FARP1: variants seen among roughly 807,000 people sequenced by gnomAD.
FARP1 encodes the protein FERM, ARHGEF and pleckstrin domain-containing protein 1.
A neutral mutation model predicts 128.8 loss-of-function variants in FARP1; 52 were observed. The observed-to-expected ratio is 0.40, with a 90% CI of 0.32 to 0.51. The LOEUF is 0.51. Ranked by LOEUF, FARP1 falls within the 20% of genes least tolerant of loss-of-function variation. The pLI, the probability that FARP1 is intolerant of heterozygous loss-of-function variation, is 0.45. For synonymous variants in FARP1, 580 were observed against 551.8 expected, an observed-to-expected ratio of 1.05 and a Z score of -0.72; for missense variants, 1,333 against 1,367.9, an observed-to-expected ratio of 0.97 and a Z score of 0.40.
At chr13:98,248,972 T>C (rs560485317) in intron 2 of FARP1, among the ~76,000 whole-genome samples, 53 of 152,324 alleles carry the variant, frequency 3.5e-4, no homozygotes, top group African/African-American at 1.2e-3. Flanking sequence ...TGCTACTTAC[T>C]GGCCATTAAT....
chr13:98,423,180 A>AG (rs1891653724), intron 16 of FARP1, among the ~76,000 whole-genome samples: 2 of 152,258 alleles, frequency 1.3e-5, no homozygotes, highest in Non-Finnish European at 2.9e-5. Flanking sequence ...ACCCAGATTG[A>AG]GGGTGGGTCT....
At chr13:98,177,311 G>A in intron 1 of FARP1, 6 of 1,235,140 alleles carry the variant, frequency 4.9e-6, no homozygotes, top group African/African-American at 1.5e-5. Context: ...CACGTGGGGC[G>A]TGGGCCCTCC....
intron 14 of FARP1, among the ~76,000 whole-genome samples, chr13:98,409,982 CT>C (rs1461192187): frequency 2.6e-5 from 4 of 152,216 alleles, no homozygotes; most frequent in African/African-American, 9.6e-5. Flanking sequence ...ATAAACCACA[CT>C]TTGTTATCCA....
intron 24 of FARP1, among the ~76,000 whole-genome samples, chr13:98,441,050 A>G (rs1160775974): frequency 2.0e-5 from 3 of 152,192 alleles, no homozygotes; most frequent in Non-Finnish European, 4.4e-5. Context: ...CCGACCTCCC[A>G]CAAATGCAGT....
At chr13:98,309,153 C>CCTTTTTTTTTTTTTTTTTTT (rs1886327761) in intron 2 of FARP1, among the ~76,000 whole-genome samples, 1 of 89,670 alleles carries the variant, frequency 1.1e-5, no homozygotes, top group Non-Finnish European at 2.1e-5. Flanking sequence ...TTTAAGAGGC[C>CCTTTTTTTTTTTTTTTTTTT]TTTTTTTTTT....
intron 1 of FARP1, among the ~76,000 whole-genome samples, chr13:98,180,064 G>A (rs973562609): frequency 6.6e-6 from 1 of 152,090 alleles, no homozygotes; most frequent in African/African-American, 2.4e-5. Context: ...GCTGCATGGG[G>A]TGGGAGATTG....
intron 1 of FARP1, among the ~76,000 whole-genome samples, chr13:98,153,253 A>G (rs1876145041): frequency 8.0e-6 from 1 of 125,224 alleles, no homozygotes. Context: ...AAGAAAAGTT[A>G]AGTGATGTAA....
intron 2 of FARP1, among the ~76,000 whole-genome samples, chr13:98,257,985 T>G (rs1322075187): frequency 6.6e-6 from 1 of 152,300 alleles, no homozygotes; most frequent in East Asian, 1.9e-4. Context: ...TATATAATTT[T>G]TTTTTTGAGA....
intron 1 of FARP1, among the ~76,000 whole-genome samples, chr13:98,159,950 C>A (rs958954750): frequency 3.9e-5 from 6 of 152,150 alleles, no homozygotes; most frequent in African/African-American, 1.4e-4. Context: ...ATTTCATCAT[C>A]ATTTTCGGCA....
Position 98,435,595 on chromosome 13 carries a change from G to T in FARP1, c.2163G>T (p.Thr721=), listed in dbSNP as rs200427694. ...RDCRAALAEI[T]EMVAQLHGTM... The stretch of plus-strand genomic sequence containing the variant: ...TCACAGCCGCTTTGGCAGAGATCAC[G>T]GAGATGGTGGCACAGCTCCACGGTA... The change falls in exon 19 of 27, where the codon ACG becomes ACT. Residue 721 remains threonine, a synonymous_variant. Transcript: ENST00000319562. 152 of 1,613,398 alleles carry T rather than the reference G, an allele frequency of 9.4e-5. No individual in the cohort carries two copies. The highest frequency in any genetic ancestry group is 5.6e-4 in the South Asian group (51 of 90,972).
At chr13:98,144,721 A>G (rs1276683517) in intron 1 of FARP1, among the ~76,000 whole-genome samples, 1 of 152,222 alleles carries the variant, frequency 6.6e-6, no homozygotes, top group Non-Finnish European at 1.5e-5. Flanking sequence ...AGTCTGAACA[A>G]GGAGAGGAGA....
At chr13:98,421,476 A>G (rs1891590833) in intron 16 of FARP1, among the ~76,000 whole-genome samples, 1 of 152,168 alleles carries the variant, frequency 6.6e-6, no homozygotes, top group Admixed American at 6.5e-5. Flanking sequence ...GAATATCTAA[A>G]TGATGTCCTC....
intron 1 of FARP1, among the ~76,000 whole-genome samples, chr13:98,178,418 A>G (rs754737584): frequency 6.6e-6 from 1 of 151,682 alleles, no homozygotes; most frequent in Non-Finnish European, 1.5e-5. Context: ...CTGGTGTGGA[A>G]CTCCTGACCT....
At chr13:98,302,076 C>T (rs1594376100) in intron 2 of FARP1, among the ~76,000 whole-genome samples, 1 of 152,142 alleles carries the variant, frequency 6.6e-6, no homozygotes, top group Non-Finnish European at 1.5e-5. Context: ...AACTTCCCTG[C>T]ATAGAAGTAG....
At chr13:98,191,829 G>C (rs1879249191) in intron 1 of FARP1, among the ~76,000 whole-genome samples, 1 of 152,178 alleles carries the variant, frequency 6.6e-6, no homozygotes, top group African/African-American at 2.4e-5. Flanking sequence ...TGTAATCTCA[G>C]CTACTCGGGA....
chr13:98,209,744 C>T (rs1353391873), intron 1 of FARP1, among the ~76,000 whole-genome samples: 1 of 123,328 alleles, frequency 8.1e-6, no homozygotes, highest in African/African-American at 3.1e-5. Context: ...TTGCAGTGAG[C>T]CAAGATGTTG....
At position 98,448,685 on chromosome 13, in the gene FARP1, C is replaced by CTT. The variant is rs1053140035; in HGVS notation, c.*371_*372dup. 4 of 179,398 alleles carry CTT rather than the reference C, an allele frequency of 2.2e-5. No homozygotes were observed. The highest frequency in any genetic ancestry group is 4.6e-5 in the Non-Finnish European group (4 of 86,082). The allele number at this position is 179,398 out of a possible 1,614,324, so 11.1% of individuals were successfully genotyped here. On this transcript the variant is annotated 3_prime_UTR_variant, in exon 27 of 27. Transcript: ENST00000319562. ...TTTTTCTTCCTAAAAAAAGTTCTTT[C>CTT]TTTTATTATTTTCACCTATTGGCTG...
In FARP1 at chr13:98,213,227, C is replaced by G. The variant is rs772275733; in HGVS notation, c.-16C>G. On this transcript the variant is annotated 5_prime_UTR_variant, in exon 2 of 27. Coordinates refer to ENST00000319562, the MANE Select transcript of FARP1 (RefSeq NM_005766.4). ...TCTCACTGCTTCCTGCAGATATTCT[C>G]TAAGCCGCTTTCATCATGGGAGAAA... is the stretch of plus-strand genomic sequence containing the variant. 5 of 1,609,396 alleles carry G rather than the reference C, an allele frequency of 3.1e-6. No individual in the cohort carries two copies. Among genetic ancestry groups the G allele is most frequent in the Non-Finnish European group, 2.5e-6 (3 of 1,178,450 alleles).
intron 1 of FARP1, among the ~76,000 whole-genome samples, chr13:98,203,313 A>T (rs1281526506): frequency 2.0e-5 from 3 of 152,208 alleles, no homozygotes; most frequent in Admixed American, 1.3e-4. Flanking sequence ...TAGTCAGTTT[A>T]CAGAGTTGGG....
Sources: allele counts gnomAD v4.1 joint callset (sites outside exome capture counted in the v4.1 genomes callset), GRCh38; gene constraint gnomAD v4.1.1; transcripts MANE v1.5; gene names NCBI Gene and HGNC (gene_info 2026-07-23, HGNC 2026-07-21).